Variants in DLGAP1 observed in about 807,000 individuals in gnomAD.
DLGAP1 encodes the protein DLG associated protein 1.
In DLGAP1, 11 loss-of-function variants were observed where a neutral mutation model predicts 90.8. That is an observed-to-expected ratio of 0.12 (90% CI 0.08 to 0.20). DLGAP1 has a LOEUF of 0.20. DLGAP1 is among the 10% of genes least tolerant of loss of function. The pLI is 1.00. For synonymous variants in DLGAP1, 558 were observed against 540.7 expected (o/e 1.03, Z -0.44); for missense variants, 1,050 against 1,333.8 (o/e 0.79, Z 3.31).
rs1217112000 is a variant in DLGAP1, at chr18:4,378,740, T to A, written c.-267+76266A>T. ...ACTTAATCTGAACCCATTTTATCTG[T>A]TTTTATTTCCAACTCTTTCCTAAAT... On this transcript the variant is annotated intron_variant, in intron 1 of 12. Coordinates refer to ENST00000315677, the MANE Select transcript of DLGAP1 (RefSeq NM_004746.4). The surrounding 1 kb of genome is among the most constrained non-coding windows in gnomAD (Gnocchi z 4.5). Among the ~76,000 whole-genome samples the A allele has an allele frequency of 1.3e-5, 2 of 152,160 alleles. No individual in the cohort carries two copies. Among genetic ancestry groups the A allele is most frequent in the African/African-American group, 2.4e-5 (1 of 41,444 alleles).
At chr18:4,103,083 G>C (rs751199428) in intron 2 of DLGAP1, among the ~76,000 whole-genome samples, 1 of 152,174 alleles carries the variant, frequency 6.6e-6, no homozygotes, top group Non-Finnish European at 1.5e-5. Context: ...AGTATGTTTT[G>C]ATACTTGGCG....
At chr18:4,251,653 C>G (rs2030464) in intron 1 of DLGAP1, among the ~76,000 whole-genome samples, 2 of 152,036 alleles carry the variant, frequency 1.3e-5, no homozygotes, top group Admixed American at 1.3e-4. Flanking sequence ...GGTACAAATA[C>G]AATTGTATGT....
At chr18:3,532,248 CTCA>C (rs2052054075) in intron 10 of DLGAP1, among the ~76,000 whole-genome samples, 1 of 152,098 alleles carries the variant, frequency 6.6e-6, no homozygotes, top group Non-Finnish European at 1.5e-5. Flanking sequence ...TACATGGGGA[CTCA>C]TCATGTTAAA....
In DLGAP1 at chr18:3,879,203, C is replaced by T. The variant is rs200818770; in HGVS notation, c.866G>A (p.Arg289Gln). 28 of 1,554,346 alleles carry T rather than the reference C, an allele frequency of 1.8e-5. No homozygotes were observed. The highest frequency in any genetic ancestry group is 2.2e-5 in the Non-Finnish European group (25 of 1,150,728). The stretch of plus-strand genomic sequence containing the variant: ...CACCGAGGCCTTCTGGTAAACCTCC[C>T]GGGCCCGGCTCACGGTGAGCGTGGA... ...WSSTLTVSRA[R>Q]EVYQKASVNM... Residue 289 changes from arginine (R) to glutamine (Q), a missense_variant, in exon 4 of 13, where the codon CGG (arginine) becomes CAG (glutamine). Coordinates refer to ENST00000315677, the MANE Select transcript of DLGAP1 (RefSeq NM_004746.4). The surrounding 1 kb of genome is among the most constrained non-coding windows in gnomAD (Gnocchi z 6.6).
chr18:3,544,461 T>G (rs2082638300), intron 9 of DLGAP1, among the ~76,000 whole-genome samples: 2 of 152,202 alleles, frequency 1.3e-5, no homozygotes, highest in African/African-American at 4.8e-5. Context: ...AAGAAAGGTT[T>G]AAAATACTTT....
intron 1 of DLGAP1, among the ~76,000 whole-genome samples, chr18:4,438,560 T>C (rs1272494216): frequency 6.7e-6 from 1 of 149,484 alleles, no homozygotes. Context: ...CACTCCACTA[T>C]CCCCATTCAT....
chr18:4,092,426 A>G (rs1351400033), intron 2 of DLGAP1, among the ~76,000 whole-genome samples: 4 of 152,276 alleles, frequency 2.6e-5, no homozygotes, highest in Middle Eastern at 3.4e-3. Context: ...CCCAGTGTCA[A>G]CCAAATTCTG....
rs1254444315 is a variant in DLGAP1, at chr18:3,498,900, C to T, written c.*285G>A. 8.7e-6 allele frequency: 4 copies of T among 462,056 alleles called. No individual in the cohort carries two copies. In the South Asian group the frequency reaches 1.4e-4, roughly 16 times the overall value. The allele number at this position is 462,056 out of a possible 1,614,324, so 28.6% of individuals were successfully genotyped here. On this transcript the variant is annotated 3_prime_UTR_variant, in exon 13 of 13. Transcript: ENST00000315677. ...ATCACTTCTACACAGGTGGGTTTGG[C>T]TTTGCCCAGAAAATAAAGGGTTGGA...
chr18:4,063,176 T>C (rs768326597), intron 2 of DLGAP1, among the ~76,000 whole-genome samples: 8 of 152,222 alleles, frequency 5.3e-5, no homozygotes, highest in Non-Finnish European at 1.0e-4. Flanking sequence ...ACTTCTCTAA[T>C]GAGAGGCGAT....
chr18:3,507,262 G>T (rs1163024967), intron 11 of DLGAP1, among the ~76,000 whole-genome samples: 1 of 152,008 alleles, frequency 6.6e-6, no homozygotes, highest in East Asian at 1.9e-4. Context: ...AAGATGGGAG[G>T]ATCATGAGGT....
intron 1 of DLGAP1, among the ~76,000 whole-genome samples, chr18:4,221,619 A>T (rs2078078490): frequency 6.6e-6 from 1 of 152,184 alleles, no homozygotes; most frequent in Non-Finnish European, 1.5e-5. Context: ...GATGCAGGAC[A>T]TCAGCAGACG....
intron 1 of DLGAP1, among the ~76,000 whole-genome samples, chr18:4,288,065 A>ATT (rs1300158781): frequency 1.4e-3 from 1 of 690 alleles, no homozygotes; most frequent in African/African-American, 3.1e-3. Context: ...CAGCTTGACA[A>ATT]ATTTTTTATT....
At chr18:3,892,758 T>G (rs917047937) in intron 3 of DLGAP1, among the ~76,000 whole-genome samples, 1 of 151,970 alleles carries the variant, frequency 6.6e-6, no homozygotes, top group Non-Finnish European at 1.5e-5. Flanking sequence ...CATCTCAATT[T>G]AGGAGGTGTA....
intron 6 of DLGAP1, among the ~76,000 whole-genome samples, chr18:3,737,514 G>T (rs2062700773): frequency 6.7e-6 from 1 of 149,260 alleles, no homozygotes; most frequent in South Asian, 2.2e-4. Flanking sequence ...CAGAGCCAAA[G>T]ACAAAAACCA....
intron 9 of DLGAP1, among the ~76,000 whole-genome samples, chr18:3,545,995 A>G (rs2144701298): frequency 6.6e-6 from 1 of 152,364 alleles, no homozygotes; most frequent in East Asian, 1.9e-4. Context: ...GAAGAAATAG[A>G]CAAATTCACA....
chr18:4,358,655 G>A (rs1396293525), intron 1 of DLGAP1, among the ~76,000 whole-genome samples: 1 of 152,236 alleles, frequency 6.6e-6, no homozygotes, highest in Non-Finnish European at 1.5e-5. Flanking sequence ...TTGTTCTCGT[G>A]CCTTTGATTG....
intron 4 of DLGAP1, chr18:3,874,061 A>G: frequency 6.6e-7 from 1 of 1,524,594 alleles, no homozygotes; most frequent in Non-Finnish European, 8.8e-7. Context: ...TAAAATCACA[A>G]ATACTACCCC....
At position 4,387,930 on chromosome 18, in the gene DLGAP1, TACACACACA is replaced by T. The variant is rs2082266883; in HGVS notation, c.-267+67067_-267+67075del. On this transcript the variant is annotated intron_variant, in intron 1 of 12. Coordinates refer to ENST00000315677, the MANE Select transcript of DLGAP1 (RefSeq NM_004746.4). ...TGGGTGACAGAGACTCCATCACACA[TACACACACA>T]CACACACACACACACACACACACAC... Among the ~76,000 whole-genome samples the T allele has an allele frequency of 2.3e-3, 282 of 123,338 alleles. 7 individuals carry two copies. Among genetic ancestry groups the T allele is most frequent in the East Asian group, 5.5e-3 (23 of 4,220 alleles). 80.9% of individuals were successfully genotyped at this position (123,338 alleles called of 152,430 possible).
In DLGAP1 at chr18:3,580,655, A is replaced by C. The variant is rs2055441399; in HGVS notation, c.1965+1220T>G. ...TTTGTCGGCTGACCCAGAGGCGAGG[A>C]GATTGCTGGGCCCGGCCCCTGAGGA... On this transcript the variant is annotated intron_variant, in intron 8 of 12. Transcript: ENST00000315677. 7 of 1,606,634 alleles carry C rather than the reference A, an allele frequency of 4.4e-6. No homozygotes were observed. In the African/African-American group the frequency reaches 8.0e-5, roughly 18 times the overall value.
Sources: allele counts gnomAD v4.1 joint callset (sites outside exome capture counted in the v4.1 genomes callset), GRCh38; gene constraint gnomAD v4.1.1; non-coding constraint Gnocchi (gnomAD v3.1); transcripts MANE v1.5; gene names NCBI Gene and HGNC (gene_info 2026-07-23, HGNC 2026-07-21).